Variants in FOXP2 observed in about 807,000 individuals in gnomAD.
FOXP2 encodes forkhead box P2.
Under a neutral mutation model 115.8 loss-of-function variants are expected in FOXP2, and 12 were observed. The observed-to-expected ratio is 0.10, with a 90% CI of 0.07 to 0.17. The LOEUF is 0.17. Among genes scored for constraint, FOXP2 ranks in the 10% least tolerant of loss-of-function variants. The probability of loss-of-function intolerance (pLI) is 1.00; values close to 1 mark genes in which losing one functional copy is unlikely to be tolerated. For synonymous variants in FOXP2, 328 were observed against 297.7 expected (o/e 1.10, Z -1.05); for missense variants, 629 against 843.5 (o/e 0.75, Z 3.15).
rs115567170 is a variant in FOXP2 at position 114,359,057 on chromosome 7, A to G, written c.-10-67445A>G. On this transcript the variant is annotated intron_variant, in intron 2 of 17. Coordinates refer to the FOXP2 transcript ENST00000634411. ...GGTCTTCACAGCAGCCCCTCCCATC[A>G]CAAGCCAGGACGCCTAGGAGGAAAA... 4.0e-3 allele frequency among the ~76,000 whole-genome samples: 611 copies of G among 152,242 alleles called. 5 individuals carry two copies. The highest frequency in any genetic ancestry group is 0.014 in the African/African-American group (587 of 41,554).
rs186394506 is a variant in FOXP2, at chr7:114,636,834, C to T, written c.775+5129C>T. 1.4e-4 allele frequency among the ~76,000 whole-genome samples: 21 copies of T among 152,096 alleles called. No homozygotes were observed. The East Asian group carries it at 3.7e-3, about 27-fold the overall frequency. On this transcript the variant is annotated intron_variant, in intron 6 of 16. Transcript: ENST00000350908. Reference sequence around the variant, plus strand: ...ATTTTAATTAATTCTTAGCACAGTGCTTGTCATCTTGTAGATACTCCACAA... The same window carrying T: ...ATTTTAATTAATTCTTAGCACAGTGTTTGTCATCTTGTAGATACTCCACAA...
chr7:114,129,364 C>G (rs148801697), intron 1 of FOXP2, among the ~76,000 whole-genome samples: 3 of 152,096 alleles, frequency 2.0e-5, no homozygotes, highest in Non-Finnish European at 2.9e-5. Flanking sequence ...TTTGTATCAA[C>G]TTGTTTGTGC....
chr7:114,240,138 G>A (rs1795114528), intron 1 of FOXP2, among the ~76,000 whole-genome samples: 1 of 152,100 alleles, frequency 6.6e-6, no homozygotes, highest in Non-Finnish European at 1.5e-5. Context: ...AATGCAGAAA[G>A]ATGTTATTGT....
intron 3 of FOXP2, among the ~76,000 whole-genome samples, chr7:114,589,361 A>G (rs1563019013): frequency 6.6e-6 from 1 of 152,114 alleles, no homozygotes; most frequent in Admixed American, 6.6e-5. Flanking sequence ...TTAAAAAAAA[A>G]GCTTCTCCCT....
chr7:114,413,686 T>C (rs1793229032), upstream of FOXP2, among the ~76,000 whole-genome samples: 1 of 152,126 alleles, frequency 6.6e-6, no homozygotes, highest in Non-Finnish European at 1.5e-5. Context: ...CCAAAATGTC[T>C]GTATTAAAGG....
At chr7:114,532,296 G>A (rs984531123) in intron 2 of FOXP2, among the ~76,000 whole-genome samples, 83 of 151,822 alleles carry the variant, frequency 5.5e-4, no homozygotes, top group African/African-American at 1.8e-3. Context: ...TGTTCTATTC[G>A]TTTACAGATT....
intron 10 of FOXP2, among the ~76,000 whole-genome samples, chr7:114,657,241 G>A (rs1585000936): frequency 6.6e-6 from 1 of 152,018 alleles, no homozygotes; most frequent in Admixed American, 6.6e-5. Context: ...GAGTAATGAA[G>A]GGCACACTGT....
At chr7:114,432,577 T>C (rs1176264335) in intron 2 of FOXP2, among the ~76,000 whole-genome samples, 2 of 152,008 alleles carry the variant, frequency 1.3e-5, no homozygotes, top group African/African-American at 4.8e-5. Flanking sequence ...TTAAAGACAT[T>C]TCTTTGGAGA....
chr7:114,556,528 A>T (rs1184594411), intron 3 of FOXP2, among the ~76,000 whole-genome samples: 2 of 152,232 alleles, frequency 1.3e-5, no homozygotes, highest in Non-Finnish European at 2.9e-5. Context: ...TGAATTTGGA[A>T]AAAAATTATA....
At chr7:114,661,134 CA>C (rs1388237024) in intron 13 of FOXP2, among the ~76,000 whole-genome samples, 2 of 150,472 alleles carry the variant, frequency 1.3e-5, no homozygotes, top group African/African-American at 4.9e-5. Flanking sequence ...AAATCTTCAT[CA>C]AAATTACTTT....
At chr7:114,331,075 C>G (rs960929823) in intron 2 of FOXP2, among the ~76,000 whole-genome samples, 1 of 152,110 alleles carries the variant, frequency 6.6e-6, no homozygotes, top group African/African-American at 2.4e-5. Context: ...TTTATTATAT[C>G]TTTATTAAAT....
rs144424817 is a variant in FOXP2 at position 114,207,205 on chromosome 7, C to T, written c.-102+44117C>T. Among the ~76,000 whole-genome samples, 5 of 152,236 alleles carry T rather than the reference C, an allele frequency of 3.3e-5. No individual in the cohort carries two copies. In the East Asian group the frequency reaches 7.7e-4, roughly 23 times the overall value. On this transcript the variant is annotated intron_variant, in intron 1 of 17. Coordinates refer to the FOXP2 transcript ENST00000634411. ...GTATGCTAGTTTTTATTTATCCATT[C>T]GGTAGTTGATGGACATTTAGGTTGT...
intron 2 of FOXP2, among the ~76,000 whole-genome samples, chr7:114,347,662 TAAAA>T (rs1422685842): frequency 1.3e-5 from 2 of 152,076 alleles, no homozygotes; most frequent in Non-Finnish European, 2.9e-5. Flanking sequence ...GGTAGTTCAC[TAAAA>T]TATACTTTGT....
intron 16 of FOXP2, among the ~76,000 whole-genome samples, chr7:114,684,308 G>A (rs1275043804): frequency 6.6e-6 from 1 of 152,196 alleles, no homozygotes; most frequent in Non-Finnish European, 1.5e-5. Context: ...TGAGGAAACA[G>A]TTGAAATGCA....
chr7:114,641,173 C>T (rs1452371983), intron 6 of FOXP2, among the ~76,000 whole-genome samples: 4 of 152,102 alleles, frequency 2.6e-5, no homozygotes, highest in Non-Finnish European at 4.4e-5. Context: ...GTTTCCTTTT[C>T]CATGAATTGC....
At chr7:114,613,378 A>G (rs1262226237) in intron 3 of FOXP2, among the ~76,000 whole-genome samples, 1 of 152,034 alleles carries the variant, frequency 6.6e-6, no homozygotes, top group Non-Finnish European at 1.5e-5. Flanking sequence ...TTTTGCATCA[A>G]GAAATATATT....
intron 1 of FOXP2, among the ~76,000 whole-genome samples, chr7:114,108,090 T>G (rs1308673460): frequency 6.6e-6 from 1 of 151,956 alleles, no homozygotes; most frequent in African/African-American, 2.4e-5. Context: ...CCCTGCATCT[T>G]TATCTTATTT....
At chr7:114,445,375 C>A (rs1046933323) in intron 2 of FOXP2, among the ~76,000 whole-genome samples, 2 of 152,238 alleles carry the variant, frequency 1.3e-5, no homozygotes, top group Non-Finnish European at 2.9e-5. Context: ...TGACCCTTTG[C>A]TAAACAAGAC....
intron 1 of FOXP2, among the ~76,000 whole-genome samples, chr7:114,191,911 A>T (rs1250930241): frequency 6.6e-6 from 1 of 151,448 alleles, no homozygotes; most frequent in Non-Finnish European, 1.5e-5. Flanking sequence ...CCAATTCATA[A>T]CTCTCTCCTC....
Sources: allele counts gnomAD v4.1 joint callset (sites outside exome capture counted in the v4.1 genomes callset), GRCh38; gene constraint gnomAD v4.1.1; transcripts MANE v1.5; gene names NCBI Gene and HGNC (gene_info 2026-07-23, HGNC 2026-07-21).